The following CERKL variants were observed in gnomAD, a reference collection of about 807,000 sequenced individuals.
The protein encoded by CERKL is ceramide kinase-like protein.
In CERKL, 61 loss-of-function variants were observed where a neutral mutation model predicts 63.4. The observed-to-expected ratio is 0.96, with a 90% CI of 0.78 to 1.19. The LOEUF (loss-of-function observed/expected upper bound fraction) is 1.19, where lower values mean the gene tolerates loss of function less well. Among genes scored for constraint, CERKL ranks in the 50% most tolerant of loss-of-function variants. The pLI is 0.00. For missense variants in CERKL, 675 were observed against 655.5 expected (o/e 1.03, Z -0.33); for synonymous variants, 250 against 230.5 (o/e 1.08, Z -0.77).
At chr2:181,556,818 C>T (rs143815786) in intron 5 of CERKL, among the ~76,000 whole-genome samples, 2,850 of 152,322 alleles carry the variant, frequency 0.019, 73 homozygotes, top group African/African-American at 0.064. Flanking sequence ...GGAATTGCCA[C>T]ACTGTCTTCC....
Position 181,537,117 on chromosome 2 carries a change from G to C in CERKL, c.*1067C>G, listed in dbSNP as rs1286615004. 2.2e-6 allele frequency: 1 copy of C among 452,914 alleles called. No homozygotes were observed. The highest frequency in any genetic ancestry group is 4.4e-6 in the Non-Finnish European group (1 of 226,476). 28.1% of individuals were successfully genotyped at this position (452,914 alleles called of 1,614,324 possible). Reference sequence around the variant, plus strand: ...CAGGAATAAACTTTATGACATTTATGTATTTTTAAAAAACTTTGTATCGTT... The same window carrying C: ...CAGGAATAAACTTTATGACATTTATCTATTTTTAAAAAACTTTGTATCGTT... On this transcript the variant is annotated 3_prime_UTR_variant, in exon 13 of 13. Coordinates refer to ENST00000410087, the MANE Select transcript of CERKL (RefSeq NM_201548.5).
At chr2:181,554,106 A>G (rs925140593) in intron 5 of CERKL, among the ~76,000 whole-genome samples, 1 of 151,594 alleles carries the variant, frequency 6.6e-6, no homozygotes, top group South Asian at 2.1e-4. Flanking sequence ...AAGTAAGGAC[A>G]GAAGTAGCAG....
At chr2:181,610,955 G>A (rs73037340) in intron 1 of CERKL, among the ~76,000 whole-genome samples, 31,690 of 152,068 alleles carry the variant, frequency 0.21, 5,803 homozygotes, top group African/African-American at 0.5. Flanking sequence ...CAGACGTGGT[G>A]GCTCACGGCC....
intron 1 of CERKL, among the ~76,000 whole-genome samples, chr2:181,627,401 GA>G (rs2105925763): frequency 6.6e-6 from 1 of 152,308 alleles, no homozygotes; most frequent in Admixed American, 6.5e-5. Flanking sequence ...AGATATCATT[GA>G]AATAAGAGCA....
chr2:181,615,335 A>G (rs1165195661), intron 1 of CERKL, among the ~76,000 whole-genome samples: 1 of 152,260 alleles, frequency 6.6e-6, no homozygotes, highest in Non-Finnish European at 1.5e-5. Flanking sequence ...AAGAATATTT[A>G]GCAAAGGTTT....
chr2:181,623,024 T>C (rs1313191069), intron 1 of CERKL, among the ~76,000 whole-genome samples: 1 of 152,218 alleles, frequency 6.6e-6, no homozygotes, highest in Admixed American at 6.5e-5. Flanking sequence ...CATAATTCTT[T>C]AGAGAGACTA....
chr2:181,547,659 G>T lies in CERKL; in HGVS notation c.1227C>A (p.Cys409Ter), dbSNP rs1400346403. The T allele has an allele frequency of 1.2e-6, 2 of 1,613,896 alleles. No individual in the cohort carries two copies. The highest frequency in any genetic ancestry group is 2.7e-5 in the African/African-American group (2 of 74,896). The stretch of plus-strand genomic sequence containing the variant: ...AGCCTCTAGGTGCCACTGAACACAG[G>T]CAAGGAATTGCCATAATGCTGACAT... ...FLNVSIMAIP[C>*]LCSVAPRGLA... The change falls in exon 10 of 13, where the codon TGC becomes TGA. Residue 409 changes from cysteine (C) to a stop codon, truncating the protein, a stop_gained. Transcript: ENST00000410087. LOFTEE classifies it high-confidence loss of function.
intron 1 of CERKL, among the ~76,000 whole-genome samples, chr2:181,651,733 C>T (rs1261318638): frequency 6.7e-6 from 1 of 149,962 alleles, no homozygotes; most frequent in Non-Finnish European, 1.5e-5. Context: ...TCAAACTGTC[C>T]CTGTTTGCAG....
At chr2:181,594,146 C>T (rs1325516499) in intron 2 of CERKL, among the ~76,000 whole-genome samples, 3 of 152,160 alleles carry the variant, frequency 2.0e-5, no homozygotes, top group African/African-American at 7.2e-5. Flanking sequence ...CTGAGCTATG[C>T]AGTGTGCCAA....
intron 2 of CERKL, among the ~76,000 whole-genome samples, chr2:181,578,656 A>G (rs1247959809): frequency 1.3e-5 from 2 of 151,894 alleles, no homozygotes; most frequent in African/African-American, 2.4e-5. Context: ...AGCTTTTCAC[A>G]TAGACAGCAG....
intron 6 of CERKL, 63 bp from the exon 7 acceptor site, chr2:181,548,920 A>C: frequency 7.1e-7 from 1 of 1,417,890 alleles, no homozygotes. Flanking sequence ...AACAGCAAAC[A>C]TAAGAGAGCA....
intron 1 of CERKL, among the ~76,000 whole-genome samples, chr2:181,643,216 T>C (rs972674994): frequency 2.0e-5 from 3 of 152,222 alleles, no homozygotes; most frequent in East Asian, 1.9e-4. Flanking sequence ...TGAAAGTTCA[T>C]AGGTGGTCAG....
intron 1 of CERKL, among the ~76,000 whole-genome samples, chr2:181,635,226 G>T (rs1310845540): frequency 6.6e-6 from 1 of 152,056 alleles, no homozygotes; most frequent in African/African-American, 2.4e-5. Context: ...TGATCCCAAT[G>T]AAAAACATTA....
At chr2:181,651,585 C>A (rs370247041) in intron 1 of CERKL, among the ~76,000 whole-genome samples, 1 of 152,100 alleles carries the variant, frequency 6.6e-6, no homozygotes, top group African/African-American at 2.4e-5. Context: ...AGACCAATAA[C>A]GAGATCAATT....
chr2:181,631,075 T>C (rs1686936398), intron 1 of CERKL, among the ~76,000 whole-genome samples: 1 of 152,120 alleles, frequency 6.6e-6, no homozygotes, highest in Non-Finnish European at 1.5e-5. Flanking sequence ...TAGCAAGGGA[T>C]GCAATACAGT....
At chr2:181,638,761 A>C (rs1260644634) in intron 1 of CERKL, among the ~76,000 whole-genome samples, 2 of 152,218 alleles carry the variant, frequency 1.3e-5, no homozygotes, top group Admixed American at 6.5e-5. Flanking sequence ...AAGTTTGGCC[A>C]CTTTTGCCCA....
rs1034512317 is a variant in CERKL at position 181,619,979 on chromosome 2, T to A, written c.239-15900A>T. Among the ~76,000 whole-genome samples, 10 of 152,212 alleles carry A rather than the reference T, an allele frequency of 6.6e-5. 1 individual carries two copies. Among genetic ancestry groups the A allele is most frequent in the Admixed American group, 6.5e-4 (10 of 15,272 alleles). ...AAGGTAAGTCTGAAAGTTTACTTCTTTCATTTAACAAGTTTGAATACCTAC... is the reference window on the plus strand; with the variant it reads ...AAGGTAAGTCTGAAAGTTTACTTCTATCATTTAACAAGTTTGAATACCTAC... On this transcript the variant is annotated intron_variant, in intron 1 of 12. Transcript: ENST00000410087.
intron 1 of CERKL, among the ~76,000 whole-genome samples, chr2:181,655,523 T>C (rs1387591439): frequency 6.6e-6 from 1 of 152,216 alleles, no homozygotes; most frequent in Non-Finnish European, 1.5e-5. Flanking sequence ...ACACCTTGGT[T>C]TTTAAAACAC....
At chr2:181,596,067 A>G (rs1685194761) in intron 2 of CERKL, among the ~76,000 whole-genome samples, 1 of 152,236 alleles carries the variant, frequency 6.6e-6, no homozygotes, top group South Asian at 2.1e-4. Flanking sequence ...TTCAATTAGC[A>G]TTTTGAATAT....
Sources: gnomAD v4.1 joint callset for allele counts (sites outside exome capture counted in the v4.1 genomes callset) on GRCh38, gnomAD v4.1.1 for gene constraint, MANE v1.5 for transcripts, NCBI Gene and HGNC (gene_info 2026-07-23, HGNC 2026-07-21) for gene names.